The following NOMO3 variants were observed in gnomAD, a reference collection of about 807,000 sequenced individuals.
NOMO3 encodes the protein BOS complex subunit NOMO3.
Under a neutral mutation model 69.9 loss-of-function variants are expected in NOMO3, and 15 were observed. The ratio of observed to expected loss-of-function variants is 0.21; its 90% CI spans 0.14 to 0.33. The LOEUF (loss-of-function observed/expected upper bound fraction) is 0.33, where lower values mean the gene tolerates loss of function less well. Among genes scored for constraint, NOMO3 ranks in the 10% least tolerant of loss-of-function variants. NOMO3 has a pLI of 1.00. For synonymous variants in NOMO3, 89 were observed against 301.9 expected (o/e 0.29, Z 7.31); for missense variants, 218 against 761.0 (o/e 0.29, Z 8.39).
At position 16,263,031 on chromosome 16, in the gene NOMO3, C is replaced by A. The variant is rs747537664; in HGVS notation, c.1396-43C>A. ...GCGCCCTGTAGGTCAGGGGGAAGATCTCCCCGAATGCAGCCTCTAACGTTC... is the reference window on the plus strand; with the variant it reads ...GCGCCCTGTAGGTCAGGGGGAAGATATCCCCGAATGCAGCCTCTAACGTTC... On this transcript the variant is annotated intron_variant, in intron 12 of 30. Transcript: ENST00000399336. The A allele has an allele frequency of 3.5e-5, 56 of 1,588,794 alleles. 1 individual carries two copies. Among genetic ancestry groups the A allele is most frequent in the Non-Finnish European group, 4.8e-5 (56 of 1,174,836 alleles).
At position 16,259,300 on chromosome 16, in the gene NOMO3, T is replaced by C. The variant is rs543005444; in HGVS notation, c.1221-2202T>C. Among the ~76,000 whole-genome samples, 17 of 144,750 alleles carry C rather than the reference T, an allele frequency of 1.2e-4. 1 individual carries two copies. In the East Asian group the frequency reaches 1.6e-3, roughly 13 times the overall value. The allele number at this position is 144,750 out of a possible 152,430, so 95.0% of individuals were successfully genotyped here. On this transcript the variant is annotated intron_variant, in intron 11 of 30. Transcript: ENST00000399336. Reference sequence around the variant, plus strand: ...AAATCTCTTTTTTTTAATTGGCCGATGTAGTACATTTGCCTTTTTAGCACA... The same window carrying C: ...AAATCTCTTTTTTTTAATTGGCCGACGTAGTACATTTGCCTTTTTAGCACA...
intron 5 of NOMO3, among the ~76,000 whole-genome samples, chr16:16,245,426 C>T (rs1356237007): frequency 6.9e-6 from 1 of 144,382 alleles, no homozygotes; most frequent in African/African-American, 2.8e-5. Context: ...TGTTGGCTTG[C>T]GCCTATAATG....
At chr16:16,238,293 C>T (rs543908444) in intron 2 of NOMO3, among the ~76,000 whole-genome samples, 1,586 of 132,828 alleles carry the variant, frequency 0.012, 36 homozygotes, top group African/African-American at 0.049. Context: ...AGTGCAGTGG[C>T]GCGATCTCGG....
rs1418845522 is a variant in NOMO3, at chr16:16,288,100, GC to G, written c.3444+240del. ...AGGCTGAGGTGGGAGGATCACTTGA[GC>G]CTGGGAGGTTGAGGCCTCGATGAGC... On this transcript the variant is annotated intron_variant, in intron 29 of 30. Coordinates refer to ENST00000399336, the MANE Select transcript of NOMO3 (RefSeq NM_001004067.4). Among the ~76,000 whole-genome samples, 15 of 27,074 alleles carry G rather than the reference GC, an allele frequency of 5.5e-4. 1 individual carries two copies. The highest frequency in any genetic ancestry group is 3.4e-3 in the African/African-American group (14 of 4,168). 17.8% of individuals were successfully genotyped at this position (27,074 alleles called of 152,430 possible).
intron 3 of NOMO3, 148 bp from the exon 4 acceptor site, chr16:16,243,013 T>A: frequency 1.5e-6 from 2 of 1,340,726 alleles, no homozygotes. Flanking sequence ...TACCTTTGGA[T>A]TTGGAAACAC....
chr16:16,235,200 T>C (rs1357119665), intron 1 of NOMO3, among the ~76,000 whole-genome samples: 1 of 151,142 alleles, frequency 6.6e-6, no homozygotes, highest in Non-Finnish European at 1.5e-5. Context: ...AATGTTCAAA[T>C]GTTCGTTTTA....
chr16:16,255,164 C>T (rs979349290), intron 9 of NOMO3, among the ~76,000 whole-genome samples: 2 of 142,440 alleles, frequency 1.4e-5, no homozygotes, highest in East Asian at 2.3e-4. Context: ...CTGCCTGCCT[C>T]GGCCTCCCAA....
At chr16:16,265,312 T>A in intron 15 of NOMO3, 133 bp downstream of exon 15, 1 of 1,550,858 alleles carries the variant, frequency 6.4e-7, no homozygotes. Context: ...CTCACCCACC[T>A]GTTACGCAAC....
At chr16:16,267,813 A>G (rs973018662) in intron 16 of NOMO3, among the ~76,000 whole-genome samples, 1 of 135,928 alleles carries the variant, frequency 7.4e-6, no homozygotes, top group Admixed American at 7.2e-5. Flanking sequence ...TGTACAATAA[A>G]ATGATTTGTA....
intron 11 of NOMO3, among the ~76,000 whole-genome samples, chr16:16,260,707 GAC>G (rs1293581928): frequency 1.4e-5 from 2 of 141,558 alleles, no homozygotes; most frequent in African/African-American, 3.0e-5. Flanking sequence ...CAGTTGAAAA[GAC>G]AACTGTGACC....
intron 1 of NOMO3, among the ~76,000 whole-genome samples, chr16:16,235,046 T>C (rs2049316146): frequency 6.6e-6 from 1 of 151,822 alleles, no homozygotes; most frequent in African/African-American, 2.4e-5. Context: ...TGCATGCATC[T>C]GAATCTCTTT....
rs2049470297 is a variant in NOMO3, at chr16:16,252,309, T to G, written c.874-124T>G. 2 of 1,490,620 alleles carry G rather than the reference T, an allele frequency of 1.3e-6. 1 individual carries two copies. The highest frequency in any genetic ancestry group is 3.4e-5 in the African/African-American group (2 of 59,004). The allele number at this position is 1,490,620 out of a possible 1,614,324, so 92.3% of individuals were successfully genotyped here. On this transcript the variant is annotated intron_variant, in intron 8 of 30. Coordinates refer to ENST00000399336, the MANE Select transcript of NOMO3 (RefSeq NM_001004067.4). ...TTCCTCTTTTCAAATCTGCAACAGT[T>G]ATGATGAATGTTTCTCTTGGTCTGT...
intron 1 of NOMO3, chr16:16,235,886 A>G: frequency 2.3e-6 from 1 of 439,976 alleles, no homozygotes; most frequent in Non-Finnish European, 4.5e-6. Flanking sequence ...CAACCACATG[A>G]AAAGGAGTGG....
chr16:16,269,668 C>A (rs1227257415), intron 16 of NOMO3, among the ~76,000 whole-genome samples: 1 of 130,722 alleles, frequency 7.6e-6, no homozygotes, highest in Non-Finnish European at 1.5e-5. Context: ...CAGACTCACA[C>A]TTTTCTGGGG....
chr16:16,235,731 C>G (rs943990221), intron 1 of NOMO3: 2 of 413,884 alleles, frequency 4.8e-6, no homozygotes, highest in African/African-American at 4.6e-5. Flanking sequence ...CCAGGCTGGT[C>G]TCCTGGGCTC....
intron 5 of NOMO3, among the ~76,000 whole-genome samples, chr16:16,245,470 C>G (rs1301595529): frequency 6.9e-6 from 1 of 144,114 alleles, no homozygotes; most frequent in East Asian, 2.2e-4. Flanking sequence ...GGGAGGATCA[C>G]TTGAGTTCAG....
chr16:16,261,393 T>A, intron 11 of NOMO3, 109 bp from the exon 12 acceptor site: 1 of 1,451,856 alleles, frequency 6.9e-7, no homozygotes, highest in African/African-American at 1.7e-5. Context: ...AAGATTAGAC[T>A]ATTCTCAGGA....
intron 3 of NOMO3, among the ~76,000 whole-genome samples, chr16:16,241,997 A>G (rs1408470839): frequency 1.4e-5 from 2 of 143,682 alleles, no homozygotes; most frequent in African/African-American, 2.8e-5. Flanking sequence ...TCCACATCCT[A>G]ACCTACACTT....
intron 1 of NOMO3, among the ~76,000 whole-genome samples, chr16:16,234,204 G>A (rs1400346887): frequency 4.6e-5 from 7 of 151,574 alleles, no homozygotes; most frequent in African/African-American, 1.7e-4. Context: ...CTGGGGACAG[G>A]ACACGTTCAG....
Sources: gnomAD v4.1 joint callset for allele counts (sites outside exome capture counted in the v4.1 genomes callset) on GRCh38, gnomAD v4.1.1 for gene constraint, MANE v1.5 for transcripts, NCBI Gene and HGNC (gene_info 2026-07-23, HGNC 2026-07-21) for gene names.